FOXP1: variants seen among roughly 807,000 people sequenced by gnomAD.
FOXP1 encodes forkhead box P1.
In FOXP1, 15 loss-of-function variants were observed where a neutral mutation model predicts 98.2. The observed-to-expected ratio is 0.15, with a 90% CI of 0.10 to 0.24. The LOEUF (loss-of-function observed/expected upper bound fraction) is 0.24. Among genes scored for constraint, FOXP1 ranks in the 10% least tolerant of loss-of-function variants. The pLI is 1.00. For synonymous variants in FOXP1, 371 were observed against 314.5 expected (o/e 1.18, Z -1.90); for missense variants, 633 against 848.5 (o/e 0.75, Z 3.15).
Position 71,089,416 on chromosome 3 carries a change from T to A in FOXP1, c.282+23120A>T, listed in dbSNP as rs187527926. Among the ~76,000 whole-genome samples the A allele has an allele frequency of 2.3e-3, 350 of 152,282 alleles. 1 individual carries two copies. Among genetic ancestry groups the A allele is most frequent in the African/African-American group, 8.2e-3 (339 of 41,548 alleles). On this transcript the variant is annotated intron_variant, in intron 7 of 20. Transcript: ENST00000649528. ...CCCCAGCCTCACATTTTGACTGCAA[T>A]CTCATGAGATGCTATGAGCCTGAAC...
chr3:71,140,138 T>C (rs1405746729), intron 6 of FOXP1, among the ~76,000 whole-genome samples: 2 of 152,184 alleles, frequency 1.3e-5, no homozygotes, highest in Non-Finnish European at 2.9e-5. Context: ...CCAAAATGAT[T>C]GGGATCAATG....
At chr3:71,115,946 G>A (rs910002878) in intron 6 of FOXP1, among the ~76,000 whole-genome samples, 1 of 151,582 alleles carries the variant, frequency 6.6e-6, no homozygotes, top group Non-Finnish European at 1.5e-5. Flanking sequence ...CACGTCGGCC[G>A]GGCTAGTCTT....
chr3:71,323,817 C>T (rs2075531628), intron 4 of FOXP1, among the ~76,000 whole-genome samples: 1 of 152,144 alleles, frequency 6.6e-6, no homozygotes, highest in Admixed American at 6.5e-5. Context: ...GTTCTATTTC[C>T]ATCTATTCCA....
chr3:71,322,042 C>T (rs921605537), intron 4 of FOXP1, among the ~76,000 whole-genome samples: 1 of 152,164 alleles, frequency 6.6e-6, no homozygotes, highest in African/African-American at 2.4e-5. Context: ...ATGTGTTATA[C>T]TCATAAGCAG....
At chr3:71,103,824 T>A (rs920215401) in intron 7 of FOXP1, among the ~76,000 whole-genome samples, 2 of 152,204 alleles carry the variant, frequency 1.3e-5, no homozygotes, top group African/African-American at 4.8e-5. Context: ...TAAAGGAGTT[T>A]GCTTTTATCG....
chr3:71,360,748 GTTCTCT>G (rs1328374577), intron 3 of FOXP1: 5 of 152,152 alleles, frequency 3.3e-5, no homozygotes, highest in Admixed American at 3.3e-4. Flanking sequence ...TGTGTGCAGT[GTTCTCT>G]TTCAATAGTA....
intron 7 of FOXP1, among the ~76,000 whole-genome samples, chr3:71,054,008 A>T (rs1166892297): frequency 6.6e-6 from 1 of 152,236 alleles, no homozygotes; most frequent in Non-Finnish European, 1.5e-5. Flanking sequence ...CAGCCTTGCA[A>T]GCACACAAAA....
chr3:71,118,051 C>T (rs2058503003), intron 6 of FOXP1, among the ~76,000 whole-genome samples: 1 of 152,146 alleles, frequency 6.6e-6, no homozygotes, highest in African/African-American at 2.4e-5. Context: ...TGACTAGTCT[C>T]CCATCTATGC....
intron 6 of FOXP1, among the ~76,000 whole-genome samples, chr3:71,158,741 A>T (rs1171956076): frequency 2.6e-5 from 4 of 151,934 alleles, no homozygotes; most frequent in Non-Finnish European, 4.4e-5. Context: ...AAAAAAAAAA[A>T]AAAAAGGTAA....
At chr3:71,582,496 A>G in intron 1 of FOXP1, 2 of 985,444 alleles carry the variant, frequency 2.0e-6, no homozygotes, top group Non-Finnish European at 2.4e-6. Context: ...GCTGCGCGCA[A>G]GCGAGGGACG....
chr3:71,515,032 T>G (rs1410296547), intron 2 of FOXP1, among the ~76,000 whole-genome samples: 1 of 152,174 alleles, frequency 6.6e-6, no homozygotes, highest in Non-Finnish European at 1.5e-5. Context: ...AAGTCAAAAT[T>G]TTAATTAAAC....
At chr3:71,304,775 A>G (rs1213261731) in intron 4 of FOXP1, 1 of 152,202 alleles carries the variant, frequency 6.6e-6, no homozygotes, top group Non-Finnish European at 1.5e-5. Context: ...TGTACCCAAG[A>G]AGACACAAGT....
At chr3:71,003,256 T>C (rs1193994006) in intron 12 of FOXP1, among the ~76,000 whole-genome samples, 2 of 152,202 alleles carry the variant, frequency 1.3e-5, no homozygotes, top group Non-Finnish European at 2.9e-5. Flanking sequence ...GGGTTGAAGA[T>C]AATGAAACGC....
chr3:71,211,567 T>C (rs1449662670), intron 5 of FOXP1, among the ~76,000 whole-genome samples: 1 of 152,182 alleles, frequency 6.6e-6, no homozygotes, highest in Admixed American at 6.5e-5. Flanking sequence ...AATCCCAAAT[T>C]GTAAAAGTTT....
At chr3:71,047,933 C>T (rs1426264182) in intron 9 of FOXP1, among the ~76,000 whole-genome samples, 1 of 152,184 alleles carries the variant, frequency 6.6e-6, no homozygotes, top group Non-Finnish European at 1.5e-5. Context: ...CTGTGTTTAG[C>T]AGGCCTTGCT....
chr3:71,157,173 G>A (rs577910209), intron 6 of FOXP1, among the ~76,000 whole-genome samples: 1 of 152,252 alleles, frequency 6.6e-6, no homozygotes, highest in East Asian at 1.9e-4. Context: ...AATGTTGATA[G>A]GACAACCAAA....
chr3:71,173,422 C>CACACACA (rs1333037589), intron 6 of FOXP1, among the ~76,000 whole-genome samples: 1 of 146,296 alleles, frequency 6.8e-6, no homozygotes, highest in African/African-American at 2.5e-5. Context: ...CACACACACA[C>CACACACA]TTTTTGCCTT....
intron 2 of FOXP1, chr3:71,573,450 A>G (rs2047491558): frequency 6.6e-6 from 1 of 151,908 alleles, no homozygotes; most frequent in Admixed American, 6.6e-5. Flanking sequence ...AGCAGCAAGG[A>G]GGATAACTTG....
At chr3:71,464,414 C>G (rs2088483267) in intron 3 of FOXP1, among the ~76,000 whole-genome samples, 1 of 152,150 alleles carries the variant, frequency 6.6e-6, no homozygotes, top group Non-Finnish European at 1.5e-5. Flanking sequence ...AAAGAGGGCC[C>G]CAGAGATGTC....
Sources: gnomAD v4.1 joint callset for allele counts (sites outside exome capture counted in the v4.1 genomes callset) on GRCh38, gnomAD v4.1.1 for gene constraint, MANE v1.5 for transcripts, NCBI Gene and HGNC (gene_info 2026-07-23, HGNC 2026-07-21) for gene names.